EGFR: variants seen among roughly 807,000 people sequenced by gnomAD.
EGFR encodes epidermal growth factor receptor, also known as avian erythroblastic leukemia viral (v-erb-b) oncogene homolog.
A neutral mutation model predicts 143.0 loss-of-function variants in EGFR; 58 were observed. The ratio of observed to expected loss-of-function variants is 0.41; its 90% CI spans 0.33 to 0.50. The LOEUF is 0.50. EGFR is among the 20% of genes least tolerant of loss of function. The pLI is 0.39. For missense variants in EGFR, 1,307 were observed against 1,579.0 expected (o/e 0.83, Z 2.92); for synonymous variants, 613 against 594.4 (o/e 1.03, Z -0.45).
chr7:55,204,367 CCACA>C (rs200479001), intron 27 of EGFR, among the ~76,000 whole-genome samples: 3 of 149,006 alleles, frequency 2.0e-5, no homozygotes, highest in South Asian at 4.3e-4. Flanking sequence ...CACACCAACA[CCACA>C]CAGACACCAC....
chr7:55,085,951 T>C (rs1790728877), intron 1 of EGFR, among the ~76,000 whole-genome samples: 1 of 152,186 alleles, frequency 6.6e-6, no homozygotes, highest in African/African-American at 2.4e-5. Context: ...CCAAGATTTG[T>C]ACTGGAACAT....
At chr7:55,027,992 ATATATAT>A (rs1431871903) in intron 1 of EGFR, among the ~76,000 whole-genome samples, 120 of 44,678 alleles carry the variant, frequency 2.7e-3, no homozygotes, top group African/African-American at 3.8e-3. Context: ...AAAAAAAAAA[ATATATAT>A]ATATATATAT....
At chr7:55,190,737 TG>T (rs1416288606) in intron 20 of EGFR, among the ~76,000 whole-genome samples, 1 of 152,132 alleles carries the variant, frequency 6.6e-6, no homozygotes, top group East Asian at 1.9e-4. Flanking sequence ...ACTAGAAAGG[TG>T]GCCCACCCTC....
chr7:55,191,291 G>A (rs143138786), intron 20 of EGFR, among the ~76,000 whole-genome samples: 86 of 152,244 alleles, frequency 5.6e-4, no homozygotes, highest in Non-Finnish European at 9.1e-4. Context: ...CACAATGAGA[G>A]TGTGGCTTAA....
At chr7:55,110,869 C>G (rs926253410) in intron 1 of EGFR, among the ~76,000 whole-genome samples, 3 of 152,104 alleles carry the variant, frequency 2.0e-5, no homozygotes, top group African/African-American at 4.8e-5. Flanking sequence ...CATTTCAGGG[C>G]CAAGATGGGA....
Position 55,170,653 on chromosome 7 carries a change from C to T in EGFR, c.1881-522C>T. 2.5e-6 allele frequency: 4 copies of T among 1,597,396 alleles called. No homozygotes were observed. The South Asian group carries it at 3.3e-5, about 13-fold the overall frequency. On this transcript the variant is annotated intron_variant, in intron 15 of 27. Coordinates refer to ENST00000275493, the MANE Select transcript of EGFR (RefSeq NM_005228.5). ...CTACCCATTTCCTTCCTTCCACTCC[C>T]TTTGCCAGTGCCTCTCACCCCAACT...
intron 1 of EGFR, among the ~76,000 whole-genome samples, chr7:55,073,506 C>G (rs149153924): frequency 6.6e-6 from 1 of 152,202 alleles, no homozygotes; most frequent in African/African-American, 2.4e-5. Context: ...ACTCCCTAGC[C>G]AGGACTTTGA....
At chr7:55,034,603 A>G (rs943322689) in intron 1 of EGFR, among the ~76,000 whole-genome samples, 1 of 152,174 alleles carries the variant, frequency 6.6e-6, no homozygotes, top group Non-Finnish European at 1.5e-5. Context: ...CTAGTGTGTA[A>G]TAAGGCCTGC....
Position 55,052,000 on chromosome 7 carries a change from C to T in EGFR, c.88+32635C>T, listed in dbSNP as rs115529586. ...AGGAGGGCAGAGTTCTTCTTCGCTT[C>T]CTTCACCCATGTGCCCACTGAGTCC... On this transcript the variant is annotated intron_variant, in intron 1 of 27. Coordinates refer to ENST00000275493, the MANE Select transcript of EGFR (RefSeq NM_005228.5). Among the ~76,000 whole-genome samples, 1,037 of 152,312 alleles carry T rather than the reference C, an allele frequency of 6.8e-3. 10 individuals are homozygous for T. The highest frequency in any genetic ancestry group is 0.023 in the African/African-American group (973 of 41,568).
At chr7:55,052,527 G>C (rs1003376883) in intron 1 of EGFR, among the ~76,000 whole-genome samples, 3 of 152,196 alleles carry the variant, frequency 2.0e-5, no homozygotes, top group African/African-American at 7.2e-5. Context: ...GTGAGCCCCT[G>C]CCCGTGCTGG....
chr7:55,181,695 T>A (rs1786888511), intron 20 of EGFR: 1 of 620,752 alleles, frequency 1.6e-6, no homozygotes, highest in Non-Finnish European at 2.8e-6. Flanking sequence ...ATCAATCAGC[T>A]ACCTTTGAAG....
At chr7:55,142,194 C>G (rs2128925948) in intron 1 of EGFR, 92 bp from the exon 2 acceptor site, 1 of 1,503,720 alleles carries the variant, frequency 6.7e-7, no homozygotes, top group Non-Finnish European at 9.2e-7. Flanking sequence ...GAAGAAACTG[C>G]TACCCTTAAT....
intron 27 of EGFR, among the ~76,000 whole-genome samples, chr7:55,203,563 ACCACACACACATACG>A (rs1271740060): frequency 4.9e-4 from 5 of 10,298 alleles, no homozygotes; most frequent in African/African-American, 1.8e-3. Context: ...ACATACACAC[ACCACACACACATACG>A]CCACACACAC....
In EGFR at chr7:55,155,908, T is replaced by C. The variant is rs367680488; in HGVS notation, c.968T>C (p.Val323Ala). The change falls in exon 8 of 28, where the codon GTC becomes GCC. Residue 323 changes from valine to alanine, a missense_variant. Physicochemically the swap from Val to Ala is moderately conservative, Grantham distance 64. This residue lies in a region of EGFR where 311 missense variants were observed against 412.3 expected (regional missense o/e 0.75). Coordinates refer to ENST00000275493, the MANE Select transcript of EGFR (RefSeq NM_005228.5). Reference sequence around the variant, plus strand: ...AGCTATGAGATGGAGGAAGACGGCGTCCGCAAGTGTAAGAAGTGCGAAGGG... The same window carrying C: ...AGCTATGAGATGGAGGAAGACGGCGCCCGCAAGTGTAAGAAGTGCGAAGGG... ...ADSYEMEEDG[V>A]RKCKKCEGPC... The C allele has an allele frequency of 3.0e-5, 48 of 1,613,792 alleles. No homozygotes were observed. In the African/African-American group the frequency reaches 4.4e-4, roughly 15 times the overall value.
intron 1 of EGFR, among the ~76,000 whole-genome samples, chr7:55,056,725 C>G (rs1455826666): frequency 1.3e-5 from 2 of 152,172 alleles, no homozygotes; most frequent in African/African-American, 2.4e-5. Context: ...GAGTGACTGA[C>G]GGAATGAAAA....
Position 55,157,686 on chromosome 7 carries a change from C to T in EGFR, c.1231C>T (p.Pro411Ser), listed in dbSNP as rs1785497590. The T allele has an allele frequency of 6.2e-7, 1 of 1,614,066 alleles. No homozygotes were observed. The highest frequency in any genetic ancestry group is 1.3e-5 in the African/African-American group (1 of 74,918). ...AGGGTTTTTGCTGATTCAGGCTTGG[C>T]CTGAAAACAGGACGGACCTCCATGC... ...ITGFLLIQAW[P>S]ENRTDLHAFE... The change falls in exon 11 of 28, where the codon CCT becomes TCT. Residue 411 changes from proline (P) to serine (S), a missense_variant. By Grantham distance (74) the Pro-to-Ser change is moderately conservative. This residue lies in a region of EGFR where 250 missense variants were observed against 295.1 expected (regional missense o/e 0.85). Transcript: ENST00000275493.
At chr7:55,068,803 T>A (rs999843472) in intron 1 of EGFR, among the ~76,000 whole-genome samples, 3 of 152,172 alleles carry the variant, frequency 2.0e-5, no homozygotes, top group Admixed American at 6.5e-5. Context: ...GGTTAGTAGG[T>A]TATCAAACTC....
chr7:55,151,614 C>G lies in EGFR; in HGVS notation c.628+252C>G, dbSNP rs2075111. Among the ~76,000 whole-genome samples, 77,430 of 152,048 alleles carry G rather than the reference C, an allele frequency of 0.51. 19,814 individuals carry two copies. The highest frequency in any genetic ancestry group is 0.55 in the South Asian group (2,673 of 4,822). ...GCAGGGGCTGGGCGCGGTGGCTCACCCCTATAATCCCAGCACTTTGGGAGG... is the reference window on the plus strand; with the variant it reads ...GCAGGGGCTGGGCGCGGTGGCTCACGCCTATAATCCCAGCACTTTGGGAGG... On this transcript the variant is annotated intron_variant, in intron 5 of 27. Coordinates refer to ENST00000275493, the MANE Select transcript of EGFR (RefSeq NM_005228.5).
intron 1 of EGFR, among the ~76,000 whole-genome samples, chr7:55,112,590 G>T (rs904420285): frequency 6.6e-6 from 1 of 152,226 alleles, no homozygotes; most frequent in African/African-American, 2.4e-5. Flanking sequence ...AGGCCCTGTG[G>T]AGTGGCTGGC....
Sources: gnomAD v4.1 joint callset for allele counts (sites outside exome capture counted in the v4.1 genomes callset) on GRCh38, gnomAD v4.1.1 for gene constraint, gnomAD v4.1.1 regional missense constraint, MANE v1.5 for transcripts, NCBI Gene and HGNC (gene_info 2026-07-23, HGNC 2026-07-21) for gene names.